Variants in DPP10 observed in about 807,000 individuals in gnomAD.
The protein encoded by DPP10 is inactive dipeptidyl peptidase 10.
DPP10 carries 33 observed loss-of-function variants against 120.9 expected under a neutral mutation model. That is an observed-to-expected ratio of 0.27 (90% CI 0.21 to 0.37). The LOEUF is 0.37. Among genes scored for constraint, DPP10 ranks in the 10% least tolerant of loss-of-function variants. The probability of loss-of-function intolerance (pLI) is 1.00; values close to 1 mark genes in which losing one functional copy is unlikely to be tolerated. For synonymous variants in DPP10, 337 were observed against 326.1 expected (o/e 1.03, Z -0.36); for missense variants, 816 against 942.8 (o/e 0.87, Z 1.76).
At chr2:115,322,456 C>T (rs1373931687) in intron 2 of DPP10, among the ~76,000 whole-genome samples, 1 of 152,042 alleles carries the variant, frequency 6.6e-6, no homozygotes, top group Non-Finnish European at 1.5e-5. Flanking sequence ...GGTAAAATAC[C>T]TTTTCAGGTT....
At chr2:114,466,764 C>A (rs564396243) in intron 1 of DPP10, among the ~76,000 whole-genome samples, 3 of 152,266 alleles carry the variant, frequency 2.0e-5, no homozygotes, top group African/African-American at 7.2e-5. Flanking sequence ...TAACCCTTGG[C>A]AGGGCGCGAT....
intron 3 of DPP10, among the ~76,000 whole-genome samples, chr2:115,465,581 G>C (rs2074277523): frequency 2.0e-5 from 3 of 152,126 alleles, no homozygotes; most frequent in African/African-American, 7.2e-5. Flanking sequence ...CCAGTACTTT[G>C]GGAGGCCAAG....
At chr2:115,219,985 G>A (rs562679826) in intron 1 of DPP10, among the ~76,000 whole-genome samples, 8 of 152,284 alleles carry the variant, frequency 5.3e-5, no homozygotes, top group South Asian at 2.1e-4. Flanking sequence ...GTAGGATGAT[G>A]GCAGTGATTA....
chr2:114,661,313 A>G (rs1025626791), intron 1 of DPP10, among the ~76,000 whole-genome samples: 2 of 152,228 alleles, frequency 1.3e-5, no homozygotes, highest in Admixed American at 1.3e-4. Flanking sequence ...GAATCAAGGT[A>G]AATGGAGCAT....
intron 1 of DPP10, among the ~76,000 whole-genome samples, chr2:115,219,736 C>A (rs2057036614): frequency 6.6e-6 from 1 of 152,020 alleles, no homozygotes; most frequent in South Asian, 2.1e-4. Flanking sequence ...CTTTGAGAAA[C>A]CAAAGGTTAA....
At chr2:114,983,648 T>C (rs1377471291) in intron 1 of DPP10, among the ~76,000 whole-genome samples, 1 of 152,196 alleles carries the variant, frequency 6.6e-6, no homozygotes, top group Non-Finnish European at 1.5e-5. Context: ...GAATTTACTA[T>C]TGAGTAGCAG....
intron 1 of DPP10, among the ~76,000 whole-genome samples, chr2:115,264,422 G>T (rs1000109909): frequency 1.3e-5 from 2 of 152,090 alleles, no homozygotes; most frequent in South Asian, 2.1e-4. Context: ...GGGCAGGATC[G>T]CATAAACAAG....
intron 1 of DPP10, among the ~76,000 whole-genome samples, chr2:114,539,305 T>C (rs1686769585): frequency 6.6e-6 from 1 of 151,388 alleles, no homozygotes; most frequent in African/African-American, 2.4e-5. Context: ...AGTAAATTCA[T>C]ATATATACAT....
chr2:114,851,263 G>T (rs1317170074), intron 1 of DPP10, among the ~76,000 whole-genome samples: 1 of 152,076 alleles, frequency 6.6e-6, no homozygotes, highest in South Asian at 2.1e-4. Flanking sequence ...CTCATTTAGG[G>T]TTTAACGATT....
chr2:115,842,747 T>C lies in DPP10; in HGVS notation c.*402T>C, dbSNP rs1690277031. 6.4e-6 allele frequency: 1 copy of C among 155,624 alleles called. No individual in the cohort carries two copies. Among genetic ancestry groups the C allele is most frequent in the Non-Finnish European group, 1.4e-5 (1 of 70,126 alleles). 9.6% of individuals were successfully genotyped at this position (155,624 alleles called of 1,614,324 possible). A position where few individuals can be genotyped will look rare whatever the true frequency, so the allele number is the denominator to read the frequency against. On this transcript the variant is annotated 3_prime_UTR_variant, in exon 26 of 26. Coordinates refer to ENST00000410059, the MANE Select transcript of DPP10 (RefSeq NM_020868.6). ...CCTACAGTCCCTGATCTTTCATGGC[T>C]GAGCTGCAATCTAACACTTTACTGT...
At chr2:115,179,412 TG>T (rs1267027067) in intron 1 of DPP10, among the ~76,000 whole-genome samples, 1 of 152,164 alleles carries the variant, frequency 6.6e-6, no homozygotes, top group Non-Finnish European at 1.5e-5. Flanking sequence ...TACATGATAA[TG>T]AATACGTGGT....
intron 1 of DPP10, among the ~76,000 whole-genome samples, chr2:115,206,679 A>G (rs553907963): frequency 6.6e-6 from 1 of 152,276 alleles, no homozygotes; most frequent in South Asian, 2.1e-4. Flanking sequence ...TTGGCAGGGG[A>G]TGGGTTGTGG....
intron 3 of DPP10, among the ~76,000 whole-genome samples, chr2:115,459,199 C>G (rs1243865783): frequency 6.6e-6 from 1 of 151,732 alleles, no homozygotes; most frequent in Non-Finnish European, 1.5e-5. Flanking sequence ...CTCTGTTGCC[C>G]AGGCTGGAGT....
At chr2:115,340,125 A>G (rs1011893506) in intron 2 of DPP10, among the ~76,000 whole-genome samples, 1 of 152,228 alleles carries the variant, frequency 6.6e-6, no homozygotes, top group Non-Finnish European at 1.5e-5. Context: ...AAATGCATAC[A>G]TAGTATAATT....
chr2:115,019,694 A>T (rs529224618), intron 1 of DPP10, among the ~76,000 whole-genome samples: 8 of 152,350 alleles, frequency 5.3e-5, no homozygotes, highest in Non-Finnish European at 1.0e-4. Context: ...CAAAAAGATC[A>T]TCACCTAGGC....
At chr2:115,296,484 T>C (rs563901957) in intron 1 of DPP10, among the ~76,000 whole-genome samples, 1 of 152,162 alleles carries the variant, frequency 6.6e-6, no homozygotes, top group African/African-American at 2.4e-5. Flanking sequence ...CTTGTTCATC[T>C]TGAAGAGAGA....
chr2:115,435,030 A>G (rs1364292491), intron 3 of DPP10, among the ~76,000 whole-genome samples: 1 of 135,706 alleles, frequency 7.4e-6, no homozygotes, highest in Non-Finnish European at 1.6e-5. Flanking sequence ...TGGCTGACTA[A>G]TATTTCTATA....
intron 1 of DPP10, among the ~76,000 whole-genome samples, chr2:115,085,914 C>T (rs950541085): frequency 5.9e-5 from 9 of 152,248 alleles, no homozygotes; most frequent in Middle Eastern, 6.8e-3. Flanking sequence ...TAAGGGGTGT[C>T]GGGAGTCATG....
chr2:115,715,848 T>C (rs894236387), intron 7 of DPP10, among the ~76,000 whole-genome samples: 30 of 152,376 alleles, frequency 2.0e-4, no homozygotes, highest in Middle Eastern at 3.4e-3. Flanking sequence ...TACAATATCA[T>C]TTGGCATTAA....
Sources: gnomAD v4.1 joint callset for allele counts (sites outside exome capture counted in the v4.1 genomes callset) on GRCh38, gnomAD v4.1.1 for gene constraint, MANE v1.5 for transcripts, NCBI Gene and HGNC (gene_info 2026-07-23, HGNC 2026-07-21) for gene names.